TENM4: variants seen among roughly 807,000 people sequenced by gnomAD.
The protein encoded by TENM4 is teneurin-4.
A neutral mutation model predicts 243.3 loss-of-function variants in TENM4; 82 were observed. That is an observed-to-expected ratio of 0.34 (90% confidence interval 0.28 to 0.40). The LOEUF (loss-of-function observed/expected upper bound fraction) is 0.40. TENM4 is among the 10% of genes least tolerant of loss of function. The pLI is 1.00. For synonymous variants in TENM4, 1,412 were observed against 1,456.3 expected (o/e 0.97, Z 0.69); for missense variants, 3,138 against 3,673.3 (o/e 0.85, Z 3.77).
At chr11:78,830,857 T>A (rs1857964820) in intron 12 of TENM4, among the ~76,000 whole-genome samples, 1 of 152,208 alleles carries the variant, frequency 6.6e-6, no homozygotes, top group South Asian at 2.1e-4. Flanking sequence ...ATTCATCCCA[T>A]CTAAACTTCT....
intron 6 of TENM4, among the ~76,000 whole-genome samples, chr11:78,908,495 G>C (rs1192558096): frequency 6.6e-6 from 1 of 152,152 alleles, no homozygotes; most frequent in East Asian, 1.9e-4. Context: ...TTTACAACAG[G>C]GGTTCCAAAG....
chr11:79,082,388 G>A (rs1458928450), intron 4 of TENM4, among the ~76,000 whole-genome samples: 4 of 152,232 alleles, frequency 2.6e-5, no homozygotes, highest in East Asian at 1.9e-4. Context: ...TTAGAGAGGC[G>A]GGAGCTAAGG....
intron 1 of TENM4, among the ~76,000 whole-genome samples, chr11:79,326,191 G>A (rs776487830): frequency 6.6e-6 from 1 of 152,104 alleles, no homozygotes; most frequent in Non-Finnish European, 1.5e-5. Flanking sequence ...GGCCCCCCGC[G>A]GCCTGCAGAA....
In TENM4 at chr11:79,102,450, T is replaced by C. The variant is rs182967976; in HGVS notation, c.-65-32441A>G. ...CTTCGAAAAATATAAGAATATACTC[T>C]GGCTCCTGGAGAAGCCAGCGCTGAG... On this transcript the variant is annotated intron_variant, in intron 4 of 33. Coordinates refer to ENST00000278550, the MANE Select transcript of TENM4 (RefSeq NM_001098816.3). Among the ~76,000 whole-genome samples the C allele has an allele frequency of 3.2e-3, 486 of 152,308 alleles. 2 individuals are homozygous for C. The highest frequency in any genetic ancestry group is 6.5e-3 in the Admixed American group (99 of 15,302).
chr11:79,369,928 T>G (rs1857749413), intron 1 of TENM4, among the ~76,000 whole-genome samples: 1 of 152,152 alleles, frequency 6.6e-6, no homozygotes, highest in Non-Finnish European at 1.5e-5. Context: ...GTCTCCAAAG[T>G]CCAGGATTTT....
intron 6 of TENM4, among the ~76,000 whole-genome samples, chr11:79,039,017 C>T (rs952580573): frequency 2.6e-4 from 40 of 152,146 alleles, no homozygotes; most frequent in African/African-American, 9.2e-4. Flanking sequence ...GGAGAATGTA[C>T]CCCAGGGGGG....
intron 2 of TENM4, among the ~76,000 whole-genome samples, chr11:79,247,991 C>T (rs1341257774): frequency 6.6e-6 from 1 of 152,194 alleles, no homozygotes; most frequent in Non-Finnish European, 1.5e-5. Context: ...GCCCTGTCTA[C>T]CCTGATGGCT....
intron 2 of TENM4, among the ~76,000 whole-genome samples, chr11:79,246,649 G>T (rs143096467): frequency 6.6e-5 from 10 of 152,150 alleles, no homozygotes; most frequent in African/African-American, 2.4e-4. Context: ...GAGCAAAGAG[G>T]GTCAGATACA....
intron 4 of TENM4, among the ~76,000 whole-genome samples, chr11:79,139,725 T>C (rs1432594187): frequency 1.9e-4 from 18 of 93,862 alleles, no homozygotes; most frequent in Admixed American, 6.6e-4. Flanking sequence ...ATATAAAATA[T>C]ATATTATATT....
chr11:79,140,056 AG>A (rs1862257140), intron 4 of TENM4, among the ~76,000 whole-genome samples: 2 of 151,538 alleles, frequency 1.3e-5, no homozygotes, highest in Non-Finnish European at 2.9e-5. Flanking sequence ...ACTCCTTGTC[AG>A]GGCACAGAGC....
chr11:78,993,887 T>A (rs1308647496), intron 6 of TENM4, among the ~76,000 whole-genome samples: 2 of 152,236 alleles, frequency 1.3e-5, no homozygotes, highest in African/African-American at 4.8e-5. Context: ...GAGTTCCCTA[T>A]CCTTCTTCTA....
At chr11:78,904,188 G>A (rs1856007654) in intron 6 of TENM4, among the ~76,000 whole-genome samples, 1 of 151,720 alleles carries the variant, frequency 6.6e-6, no homozygotes, top group South Asian at 2.1e-4. Flanking sequence ...GTGAAACCCT[G>A]TCTCTACTAA....
In TENM4 at chr11:78,799,416, C is replaced by T. The variant is rs923812758; in HGVS notation, c.2179+5876G>A. 3.9e-5 allele frequency among the ~76,000 whole-genome samples: 6 copies of T among 152,330 alleles called. No homozygotes were observed. In the East Asian group the frequency reaches 1.2e-3, roughly 29 times the overall value. ...TCCAGGCCTTCTGGCTCCAAACCTT[C>T]ACTGTATAAACTGTCCTAAGAATTA... is the stretch of plus-strand genomic sequence containing the variant. On this transcript the variant is annotated intron_variant, in intron 15 of 33. Transcript: ENST00000278550.
chr11:78,884,343 A>T (rs1394980733), intron 9 of TENM4, among the ~76,000 whole-genome samples: 1 of 152,212 alleles, frequency 6.6e-6, no homozygotes, highest in African/African-American at 2.4e-5. Flanking sequence ...TTCCATAAGG[A>T]AAGTGAAAAC....
At chr11:79,113,932 A>T (rs934687374) in intron 4 of TENM4, among the ~76,000 whole-genome samples, 6 of 151,554 alleles carry the variant, frequency 4.0e-5, no homozygotes, top group Admixed American at 1.3e-4. Flanking sequence ...AGACCTTGAG[A>T]CTCTTTCCCA....
At chr11:78,886,032 C>T (rs1855540818) in intron 9 of TENM4, among the ~76,000 whole-genome samples, 1 of 152,186 alleles carries the variant, frequency 6.6e-6, no homozygotes, top group Non-Finnish European at 1.5e-5. Flanking sequence ...AACTATTTTC[C>T]ACCCTCTGTT....
At chr11:79,355,791 G>A (rs563331399) in intron 1 of TENM4, among the ~76,000 whole-genome samples, 1 of 152,302 alleles carries the variant, frequency 6.6e-6, no homozygotes, top group Non-Finnish European at 1.5e-5. Flanking sequence ...CTCAGCCAAA[G>A]TCATATAGCT....
chr11:79,308,953 A>C (rs1337707355), intron 1 of TENM4, among the ~76,000 whole-genome samples: 3 of 152,146 alleles, frequency 2.0e-5, no homozygotes, highest in African/African-American at 7.2e-5. Flanking sequence ...GTAACAGGCA[A>C]GTAATTATTA....
At chr11:79,159,626 T>A (rs1862698432) in intron 3 of TENM4, among the ~76,000 whole-genome samples, 1 of 152,148 alleles carries the variant, frequency 6.6e-6, no homozygotes. Context: ...CCTGGCCTCC[T>A]AATGTGTGGC....
Sources: allele counts gnomAD v4.1 joint callset (sites outside exome capture counted in the v4.1 genomes callset), GRCh38; gene constraint gnomAD v4.1.1; transcripts MANE v1.5; gene names NCBI Gene and HGNC (gene_info 2026-07-23, HGNC 2026-07-21).